Variants in ARHGAP31 observed in about 807,000 individuals in gnomAD.
ARHGAP31 encodes the protein rho GTPase-activating protein 31.
ARHGAP31 carries 34 observed loss-of-function variants against 113.9 expected under a neutral mutation model. The ratio of observed to expected loss-of-function variants is 0.30; its 90% CI spans 0.23 to 0.40. The LOEUF (loss-of-function observed/expected upper bound fraction) is 0.40, where lower values mean the gene tolerates loss of function less well. Ranked by LOEUF, ARHGAP31 falls within the 10% of genes least tolerant of loss-of-function variation. The pLI is 1.00. For synonymous variants in ARHGAP31, 650 were observed against 684.8 expected (o/e 0.95, Z 0.79); for missense variants, 1,548 against 1,767.1 (o/e 0.88, Z 2.22).
intron 1 of ARHGAP31, among the ~76,000 whole-genome samples, chr3:119,352,121 A>C (rs1395791505): frequency 1.1e-4 from 17 of 152,212 alleles, no homozygotes; most frequent in Non-Finnish European, 5.9e-5. Flanking sequence ...TACACAAAGC[A>C]CAGCAGCTTC....
chr3:119,375,910 G>A (rs2080342442), intron 3 of ARHGAP31, among the ~76,000 whole-genome samples: 2 of 152,108 alleles, frequency 1.3e-5, no homozygotes, highest in Non-Finnish European at 1.5e-5. Context: ...GGAGTGCAGT[G>A]GTGTAATCAT....
chr3:119,394,747 G>C (rs2080533674), intron 8 of ARHGAP31, among the ~76,000 whole-genome samples: 1 of 152,056 alleles, frequency 6.6e-6, no homozygotes, highest in Non-Finnish European at 1.5e-5. Context: ...TTGAGCCCAG[G>C]AGTTCGAGAC....
chr3:119,382,451 C>A (rs1344192603), intron 5 of ARHGAP31, 52 bp downstream of exon 5: 1 of 1,526,528 alleles, frequency 6.6e-7, no homozygotes, highest in Non-Finnish European at 9.0e-7. Context: ...CAGAGCAGCC[C>A]CCGATTGAAA....
At chr3:119,399,405 C>T in intron 9 of ARHGAP31, 144 bp downstream of exon 9, 1 of 752,338 alleles carries the variant, frequency 1.3e-6, no homozygotes, top group South Asian at 1.5e-5. Flanking sequence ...TGACCCTACC[C>T]TAACTCAAGG....
intron 10 of ARHGAP31, among the ~76,000 whole-genome samples, chr3:119,408,137 T>C (rs1256521142): frequency 1.3e-5 from 2 of 152,226 alleles, no homozygotes; most frequent in South Asian, 4.1e-4. Flanking sequence ...ATGCAAATAC[T>C]ATGTATGCCA....
rs559997689 is a variant in ARHGAP31 at position 119,373,442 on chromosome 3, T to G, written c.348+4926T>G. Among the ~76,000 whole-genome samples the G allele has an allele frequency of 5.4e-3, 813 of 150,188 alleles. 3 individuals are homozygous for G. The highest frequency in any genetic ancestry group is 0.01 in the Middle Eastern group (3 of 292). On this transcript the variant is annotated intron_variant, in intron 3 of 11. Coordinates refer to ENST00000264245, the MANE Select transcript of ARHGAP31 (RefSeq NM_020754.4). ...GCCCATGGTGAGACTGGCTTTTTTT[T>G]TTGTTGTTGTTGGCTTTTTTGGTTG... is the stretch of plus-strand genomic sequence containing the variant.
intron 1 of ARHGAP31, among the ~76,000 whole-genome samples, chr3:119,342,955 A>AT (rs2080022326): frequency 6.6e-6 from 1 of 152,212 alleles, no homozygotes; most frequent in African/African-American, 2.4e-5. Context: ...GTCTCAAAAA[A>AT]AAAAAATAAA....
intron 6 of ARHGAP31, among the ~76,000 whole-genome samples, chr3:119,385,614 G>T (rs1441813801): frequency 1.3e-5 from 2 of 151,942 alleles, no homozygotes; most frequent in African/African-American, 4.8e-5. Context: ...AATTTATTGG[G>T]GATTTACTCT....
chr3:119,333,445 T>C (rs919103620), intron 1 of ARHGAP31, among the ~76,000 whole-genome samples: 1 of 152,210 alleles, frequency 6.6e-6, no homozygotes, highest in African/African-American at 2.4e-5. Context: ...CTAGAATTTG[T>C]TCATTACGTT....
chr3:119,414,716 C>G lies in ARHGAP31; in HGVS notation c.2787C>G (p.Ala929=). The change falls in exon 12 of 12, where the codon GCC becomes GCG. Residue 929 remains alanine, a synonymous_variant. Transcript: ENST00000264245. ...CCACCCTGAAAGACGCGCACAAGGC[C>G]CAGGTACAGGGCCTTCAGGGTCACC... ...HSPTLKDAHK[A]QVQGLQGHQL... is the part of the protein sequence containing the mutation. 6.2e-7 allele frequency: 1 copy of G among 1,614,182 alleles called. No homozygotes were observed. The highest frequency in any genetic ancestry group is 8.5e-7 in the Non-Finnish European group (1 of 1,180,034).
chr3:119,365,239 T>G, intron 1 of ARHGAP31, 77 bp from the exon 2 acceptor site: 1 of 1,257,296 alleles, frequency 8.0e-7, no homozygotes, highest in South Asian at 1.3e-5. Flanking sequence ...GGTACCTGGA[T>G]TTTTAAAAGG....
At chr3:119,355,811 G>A (rs2080151490) in intron 1 of ARHGAP31, among the ~76,000 whole-genome samples, 1 of 152,178 alleles carries the variant, frequency 6.6e-6, no homozygotes, top group African/African-American at 2.4e-5. Flanking sequence ...CAAAGGACAT[G>A]AACTCATCCT....
At chr3:119,343,559 G>A (rs193077998) in intron 1 of ARHGAP31, among the ~76,000 whole-genome samples, 5 of 152,256 alleles carry the variant, frequency 3.3e-5, no homozygotes, top group Non-Finnish European at 7.4e-5. Flanking sequence ...TTCCAGAAGA[G>A]TGCTCCAAAG....
intron 3 of ARHGAP31, among the ~76,000 whole-genome samples, chr3:119,371,342 C>G (rs897607505): frequency 6.6e-6 from 1 of 152,146 alleles, no homozygotes; most frequent in Non-Finnish European, 1.5e-5. Flanking sequence ...ATTGTGTTTT[C>G]TCACAGCAAC....
intron 1 of ARHGAP31, chr3:119,329,754 C>T (rs924154042): frequency 3.1e-5 from 30 of 970,868 alleles, no homozygotes; most frequent in Non-Finnish European, 3.7e-5. Context: ...GCTCACAGAG[C>T]TCACGCTCAT....
rs1384601758 is a variant in ARHGAP31 at position 119,417,117 on chromosome 3, G to T, written c.*853G>T. On this transcript the variant is annotated 3_prime_UTR_variant, in exon 12 of 12. Coordinates refer to ENST00000264245, the MANE Select transcript of ARHGAP31 (RefSeq NM_020754.4). ...CTTCATTTAGGTATGCAATTGTGAA[G>T]TGAAGGCATCTGCTTTCTTTACAGT... 6.6e-6 allele frequency: 1 copy of T among 152,302 alleles called. No individual in the cohort carries two copies. The highest frequency in any genetic ancestry group is 1.5e-5 in the Non-Finnish European group (1 of 68,088). 9.4% of individuals were successfully genotyped at this position (152,302 alleles called of 1,614,324 possible).
intron 1 of ARHGAP31, 78 bp downstream of exon 1, chr3:119,295,082 TAG>T (rs2079521330): frequency 7.5e-7 from 1 of 1,327,398 alleles, no homozygotes; most frequent in Admixed American, 1.7e-5. Context: ...CGAGTTGTGA[TAG>T]AGTCGGTTCA....
At chr3:119,370,013 T>A (rs1192607024) in intron 3 of ARHGAP31, among the ~76,000 whole-genome samples, 5 of 151,882 alleles carry the variant, frequency 3.3e-5, no homozygotes, top group Admixed American at 3.3e-4. Flanking sequence ...TGGGCATAAA[T>A]GTTGACCTCT....
At chr3:119,329,879 C>G in intron 1 of ARHGAP31, 3 of 985,460 alleles carry the variant, frequency 3.0e-6, no homozygotes, top group Non-Finnish European at 3.6e-6. Context: ...TTGTGTGAGT[C>G]CTCACTGGTG....
Sources: gnomAD v4.1 joint callset for allele counts (sites outside exome capture counted in the v4.1 genomes callset) on GRCh38, gnomAD v4.1.1 for gene constraint, MANE v1.5 for transcripts, NCBI Gene and HGNC (gene_info 2026-07-23, HGNC 2026-07-21) for gene names.